NETO1: variants seen among roughly 807,000 people sequenced by gnomAD.
NETO1 encodes the protein neuropilin and tolloid-like protein 1.
A neutral mutation model predicts 61.3 loss-of-function variants in NETO1; 26 were observed. The ratio of observed to expected loss-of-function variants is 0.42; its 90% CI spans 0.31 to 0.59. NETO1 has a LOEUF of 0.59. Among genes scored for constraint, NETO1 ranks in the 20% least tolerant of loss-of-function variants. The pLI, the probability that NETO1 is intolerant of heterozygous loss-of-function variation, is 0.12. For synonymous variants in NETO1, 225 were observed against 225.8 expected, an observed-to-expected ratio of 1.00 and a Z score of 0.03; for missense variants, 531 against 662.8, an observed-to-expected ratio of 0.80 and a Z score of 2.18.
chr18:72,826,452 T>G (rs6566663), intron 4 of NETO1, among the ~76,000 whole-genome samples: 1 of 151,988 alleles, frequency 6.6e-6, no homozygotes, highest in Non-Finnish European at 1.5e-5. Context: ...TCTCGTGTTT[T>G]TTTAAATTGG....
At chr18:72,866,843 T>A (rs2074749617) in intron 1 of NETO1, 1 of 993,314 alleles carries the variant, frequency 1.0e-6, no homozygotes, top group African/African-American at 1.7e-5. Flanking sequence ...TTCTGCTACC[T>A]CCTGTACTGC....
chr18:72,803,472 T>A (rs1323763744), intron 4 of NETO1, among the ~76,000 whole-genome samples: 1 of 152,180 alleles, frequency 6.6e-6, no homozygotes, highest in Non-Finnish European at 1.5e-5. Context: ...AAGCTATCAC[T>A]TGTTGAGCTT....
intron 4 of NETO1, among the ~76,000 whole-genome samples, chr18:72,857,613 C>G (rs916808362): frequency 2.6e-5 from 4 of 152,146 alleles, no homozygotes; most frequent in African/African-American, 9.7e-5. Context: ...AAAAAAATAC[C>G]TACCTTCCCA....
At chr18:72,822,395 C>A (rs2073227157) in intron 4 of NETO1, among the ~76,000 whole-genome samples, 1 of 152,170 alleles carries the variant, frequency 6.6e-6, no homozygotes, top group Non-Finnish European at 1.5e-5. Context: ...ACAGGTCAGA[C>A]AAGAACAGAT....
At chr18:72,792,613 C>T (rs1168992543) in intron 6 of NETO1, among the ~76,000 whole-genome samples, 1 of 151,528 alleles carries the variant, frequency 6.6e-6, no homozygotes, top group Non-Finnish European at 1.5e-5. Flanking sequence ...GCAGTGTTGA[C>T]TCCTCTGTCC....
intron 4 of NETO1, among the ~76,000 whole-genome samples, chr18:72,815,805 G>C (rs2073013511): frequency 6.6e-6 from 1 of 152,122 alleles, no homozygotes; most frequent in South Asian, 2.1e-4. Context: ...TTGTGGCTGG[G>C]AGAACAGGTA....
intron 4 of NETO1, among the ~76,000 whole-genome samples, chr18:72,820,174 A>G (rs933673269): frequency 6.6e-6 from 1 of 152,206 alleles, no homozygotes; most frequent in Non-Finnish European, 1.5e-5. Context: ...GAGTCCTTTA[A>G]TGTTCATTTA....
At position 72,834,649 on chromosome 18, in the gene NETO1, T is replaced by C. The variant is rs1030016589; in HGVS notation, c.469+24177A>G. The C allele has an allele frequency of 4.8e-5, 47 of 984,400 alleles. 1 individual carries two copies. In the Middle Eastern group the frequency reaches 4.7e-3, roughly 99 times the overall value. The allele number at this position is 984,400 out of a possible 1,614,324, so 61.0% of individuals were successfully genotyped here. A position where few individuals can be genotyped will look rare whatever the true frequency, so the allele number is the denominator to read the frequency against. ...TGTTTATAATTACTTAATTCATTTA[T>C]GTATTTTTAGTTCTTCAGTCATCTT... On this transcript the variant is annotated intron_variant, in intron 4 of 10. Transcript: ENST00000327305.
intron 4 of NETO1, among the ~76,000 whole-genome samples, chr18:72,854,202 C>CCA (rs2074346343): frequency 6.6e-6 from 1 of 152,066 alleles, no homozygotes; most frequent in Non-Finnish European, 1.5e-5. Context: ...ACTTTGAGCT[C>CCA]CCCAGATGAA....
At chr18:72,852,566 T>A (rs756824470) in intron 4 of NETO1, among the ~76,000 whole-genome samples, 13 of 152,260 alleles carry the variant, frequency 8.5e-5, no homozygotes, top group Middle Eastern at 6.8e-3. Context: ...CCTTTTCCTT[T>A]GCCACTGCTT....
chr18:72,796,514 C>G (rs750984552), intron 4 of NETO1, among the ~76,000 whole-genome samples: 1 of 152,110 alleles, frequency 6.6e-6, no homozygotes, highest in Non-Finnish European at 1.5e-5. Context: ...CGGAGTCTGG[C>G]TCTGTCGCCC....
chr18:72,763,209 G>T (rs2071038466), intron 7 of NETO1, among the ~76,000 whole-genome samples: 1 of 151,780 alleles, frequency 6.6e-6, no homozygotes, highest in Admixed American at 6.6e-5. Context: ...AAAACAGGCA[G>T]ATTTGAGACA....
rs996292056 is a variant in NETO1 at position 72,867,031 on chromosome 18, T to G, written c.28+233A>C. The G allele has an allele frequency of 5.8e-5, 27 of 468,770 alleles. No homozygotes were observed. In the Middle Eastern group the frequency reaches 1.6e-3, roughly 28 times the overall value. The allele number at this position is 468,770 out of a possible 1,614,324, so 29.0% of individuals were successfully genotyped here. A position where few individuals can be genotyped will look rare whatever the true frequency, so the allele number is the denominator to read the frequency against. ...CCACCCCCGGGGGGTTCCTGCGCACTGAAAGACCGTTCTCCGGCAGGTTTT... is the reference window on the plus strand; with the variant it reads ...CCACCCCCGGGGGGTTCCTGCGCACGGAAAGACCGTTCTCCGGCAGGTTTT... On this transcript the variant is annotated intron_variant, in intron 1 of 10. Coordinates refer to ENST00000327305, the MANE Select transcript of NETO1 (RefSeq NM_138966.5).
chr18:72,828,265 C>T (rs375461375), intron 4 of NETO1, among the ~76,000 whole-genome samples: 10 of 151,972 alleles, frequency 6.6e-5, no homozygotes, highest in Admixed American at 1.3e-4. Flanking sequence ...GAGCCAAGAT[C>T]GCACCATTGC....
At chr18:72,866,808 C>G (rs1218639370) in intron 1 of NETO1, 2 of 1,000,362 alleles carry the variant, frequency 2.0e-6, no homozygotes, top group Non-Finnish European at 2.4e-6. Context: ...TCGCCCTTCC[C>G]TCCAGCGCTG....
intron 6 of NETO1, among the ~76,000 whole-genome samples, chr18:72,792,081 C>A (rs2072138377): frequency 6.6e-6 from 1 of 152,220 alleles, no homozygotes; most frequent in Non-Finnish European, 1.5e-5. Flanking sequence ...ACTTTATGTG[C>A]AAGCCTTAGA....
At chr18:72,771,548 A>G (rs929814591) in intron 7 of NETO1, among the ~76,000 whole-genome samples, 14 of 152,114 alleles carry the variant, frequency 9.2e-5, no homozygotes, top group African/African-American at 3.1e-4. Context: ...ATGAAGGAAT[A>G]AAAGAATGAA....
intron 4 of NETO1, among the ~76,000 whole-genome samples, chr18:72,802,912 G>C (rs540870252): frequency 3.3e-5 from 5 of 152,324 alleles, no homozygotes; most frequent in African/African-American, 1.2e-4. Flanking sequence ...GAAATGTTAA[G>C]TACAGATAAG....
intron 4 of NETO1, among the ~76,000 whole-genome samples, chr18:72,804,386 C>T (rs974676197): frequency 6.6e-6 from 1 of 152,184 alleles, no homozygotes; most frequent in African/African-American, 2.4e-5. Flanking sequence ...AAATTTCACA[C>T]TGCTAGCCAC....
Sources: allele counts gnomAD v4.1 joint callset (sites outside exome capture counted in the v4.1 genomes callset), GRCh38; gene constraint gnomAD v4.1.1; transcripts MANE v1.5; gene names NCBI Gene and HGNC (gene_info 2026-07-23, HGNC 2026-07-21).